The following TTC23 variants were observed in gnomAD, a reference collection of about 807,000 sequenced individuals.
TTC23 encodes the protein tetratricopeptide repeat protein 23.
In TTC23, 58 loss-of-function variants were observed where a neutral mutation model predicts 55.1. The observed-to-expected ratio is 1.05, with a 90% confidence interval of 0.85 to 1.31. The LOEUF is 1.31. TTC23 is among the 50% of genes most tolerant of loss of function. TTC23 has a pLI of 0.00. For synonymous variants in TTC23, 203 were observed against 199.9 expected (o/e 1.02, Z -0.13); for missense variants, 516 against 534.4 (o/e 0.97, Z 0.34).
At chr15:99,171,530 G>T (rs2072920696) in intron 10 of TTC23, among the ~76,000 whole-genome samples, 2 of 143,076 alleles carry the variant, frequency 1.4e-5, no homozygotes, top group South Asian at 4.7e-4. Context: ...TCACTATTAT[G>T]ATTCTTGCTT....
chr15:99,202,310 C>G (rs1446331317), intron 8 of TTC23, among the ~76,000 whole-genome samples: 3 of 152,084 alleles, frequency 2.0e-5, no homozygotes, highest in Non-Finnish European at 2.9e-5. Flanking sequence ...TTTTCCTCGT[C>G]ATGTTCATAA....
chr15:99,227,843 G>A lies in TTC23; in HGVS notation c.180+690C>T, dbSNP rs114990043. Among the ~76,000 whole-genome samples the A allele has an allele frequency of 4.0e-3, 613 of 152,228 alleles. 2 individuals carry two copies. Among genetic ancestry groups the A allele is most frequent in the African/African-American group, 0.013 (533 of 41,524 alleles). ...AGCACTGTTTACCAGTGCAGTCTAC[G>A]TAACTCCCATCCGAAGAAAGTGTGC... On this transcript the variant is annotated intron_variant, in intron 5 of 13. Coordinates refer to ENST00000394132, the MANE Select transcript of TTC23 (RefSeq NM_001288615.3).
At chr15:99,250,892 T>C (rs1459963964), upstream of TTC23, among the ~76,000 whole-genome samples, 1 of 152,218 alleles carries the variant, frequency 6.6e-6, no homozygotes, top group Non-Finnish European at 1.5e-5. Context: ...ACTTGCTAAA[T>C]AACGTTGGCT....
rs902067812 is a variant in TTC23, at chr15:99,180,344, TA to T, written c.760-5190del. Among the ~76,000 whole-genome samples, 215 of 137,228 alleles carry T rather than the reference TA, an allele frequency of 1.6e-3. 1 individual carries two copies. Among genetic ancestry groups the T allele is most frequent in the East Asian group, 3.6e-3 (17 of 4,778 alleles). The allele number at this position is 137,228 out of a possible 152,430, so 90.0% of individuals were successfully genotyped here. The stretch of plus-strand genomic sequence containing the variant: ...TTCCACATTGAACAAGGTCATTAAT[TA>T]AAAAAAAAAAAAACAAAACTCATCC... On this transcript the variant is annotated intron_variant, in intron 9 of 13. Transcript: ENST00000394132.
At chr15:99,226,794 C>T (rs1174012965) in intron 5 of TTC23, among the ~76,000 whole-genome samples, 4 of 152,168 alleles carry the variant, frequency 2.6e-5, no homozygotes, top group Non-Finnish European at 4.4e-5. Context: ...CCTGGAGGCC[C>T]TCCCTGATCA....
chr15:99,205,586 T>C (rs1487307803), intron 8 of TTC23, among the ~76,000 whole-genome samples: 2 of 151,936 alleles, frequency 1.3e-5, no homozygotes, highest in African/African-American at 2.4e-5. Context: ...GGCATTACTT[T>C]CTTGTTTTTT....
chr15:99,208,111 C>T (rs886959779), intron 8 of TTC23, among the ~76,000 whole-genome samples: 1 of 152,132 alleles, frequency 6.6e-6, no homozygotes, highest in Non-Finnish European at 1.5e-5. Context: ...CAGACAATTA[C>T]ACACCATATG....
Position 99,218,893 on chromosome 15 carries a change from G to T in TTC23, c.455+5C>A. 6.2e-7 allele frequency: 1 copy of T among 1,610,012 alleles called. No homozygotes were observed. The highest frequency in any genetic ancestry group is 8.5e-7 in the Non-Finnish European group (1 of 1,178,080). ...TATTTGTAAAAGTTAGAGGCAAAAG[G>T]ATACTTTTGAAGGGAGAGTAAAGCT... On this transcript the variant is annotated splice_donor_5th_base_variant and intron_variant, in intron 7 of 13. Transcript: ENST00000394132.
At chr15:99,226,453 T>C (rs954598504) in intron 5 of TTC23, among the ~76,000 whole-genome samples, 1 of 152,256 alleles carries the variant, frequency 6.6e-6, no homozygotes, top group African/African-American at 2.4e-5. Context: ...TTGTGCCTTT[T>C]CTGTAAGTCA....
At position 99,199,404 on chromosome 15, in the gene TTC23, CAAAAAAAAA is replaced by C. The variant is rs35189767; in HGVS notation, c.759+506_759+514del. 1.7e-4 allele frequency among the ~76,000 whole-genome samples: 10 copies of C among 58,202 alleles called. No homozygotes were observed. The South Asian group carries it at 4.0e-3, about 23-fold the overall frequency. The allele number at this position is 58,202 out of a possible 152,430, so 38.2% of individuals were successfully genotyped here. A position where few individuals can be genotyped will look rare whatever the true frequency, so the allele number is the denominator to read the frequency against. On this transcript the variant is annotated intron_variant, in intron 9 of 13. Transcript: ENST00000394132. ...GCAACATGATGAAACCCTGTCTCTCCAAAAAAAAAAAAAAAAAAAAAAATCTAAAACAAA... is the reference window on the plus strand; with the variant it reads ...GCAACATGATGAAACCCTGTCTCTCCAAAAAAAAAAAAAATCTAAAACAAA...
intron 8 of TTC23, among the ~76,000 whole-genome samples, chr15:99,208,784 T>C (rs752352560): frequency 2.6e-5 from 4 of 152,252 alleles, no homozygotes; most frequent in East Asian, 1.9e-4. Context: ...AACTAAATTA[T>C]AGTCTTACAT....
chr15:99,159,946 A>T (rs2071127428), intron 11 of TTC23: 1 of 152,858 alleles, frequency 6.5e-6, no homozygotes, highest in African/African-American at 2.4e-5. Context: ...TCTATTTTGG[A>T]GGAAAAAATG....
intron 9 of TTC23, among the ~76,000 whole-genome samples, chr15:99,190,325 T>A (rs576439998): frequency 6.7e-6 from 1 of 149,934 alleles, no homozygotes; most frequent in South Asian, 2.1e-4. Flanking sequence ...CAGGCTGGAG[T>A]GCAGTGATGT....
intron 3 of TTC23, among the ~76,000 whole-genome samples, chr15:99,238,202 C>T (rs1405934082): frequency 6.6e-6 from 1 of 152,042 alleles, no homozygotes; most frequent in African/African-American, 2.4e-5. Context: ...CTCCTGACCT[C>T]AAGTGATCAG....
intron 4 of TTC23, among the ~76,000 whole-genome samples, chr15:99,231,670 T>C (rs2078946894): frequency 6.6e-6 from 1 of 151,900 alleles, no homozygotes; most frequent in South Asian, 2.1e-4. Flanking sequence ...TTTTTTGTAT[T>C]TTTAGTAGAG....
At chr15:99,172,751 G>A (rs1378196209) in intron 10 of TTC23, among the ~76,000 whole-genome samples, 1 of 152,222 alleles carries the variant, frequency 6.6e-6, no homozygotes, top group Admixed American at 6.5e-5. Context: ...TATATAAGCG[G>A]TAGCTATTAA....
At chr15:99,170,589 G>A (rs1363131754) in intron 10 of TTC23, among the ~76,000 whole-genome samples, 1 of 152,212 alleles carries the variant, frequency 6.6e-6, no homozygotes, top group Admixed American at 6.5e-5. Flanking sequence ...GTCCTATGCT[G>A]TTGAGAGCTG....
rs371029349 is a variant in TTC23, at chr15:99,182,202, G to T, written c.760-7047C>A. The stretch of plus-strand genomic sequence containing the variant: ...CCATTCCCAGGCTTACAGCTAATCA[G>T]TTTCCTGTATTGTTCCAGAAATCTC... On this transcript the variant is annotated intron_variant, in intron 9 of 13. Transcript: ENST00000394132. Among the ~76,000 whole-genome samples the T allele has an allele frequency of 9.4e-5, 14 of 149,692 alleles. 1 individual carries two copies. In the East Asian group the frequency reaches 2.0e-3, roughly 21 times the overall value.
At chr15:99,150,884 ACTG>A (rs1478763046) in intron 12 of TTC23, among the ~76,000 whole-genome samples, 1 of 152,060 alleles carries the variant, frequency 6.6e-6, no homozygotes, top group Non-Finnish European at 1.5e-5. Context: ...GCCAGCTCCA[ACTG>A]CTTTTTGTTC....
Sources: allele counts gnomAD v4.1 joint callset (sites outside exome capture counted in the v4.1 genomes callset), GRCh38; gene constraint gnomAD v4.1.1; transcripts MANE v1.5; gene names NCBI Gene and HGNC (gene_info 2026-07-23, HGNC 2026-07-21).